SLC12A6: variants seen among roughly 807,000 people sequenced by gnomAD.
SLC12A6 encodes K-Cl cotransporter 3.
A neutral mutation model predicts 135.3 loss-of-function variants in SLC12A6; 66 were observed. That is an observed-to-expected ratio of 0.49 (90% CI 0.40 to 0.60). SLC12A6 has a LOEUF of 0.60. Among genes scored for constraint, SLC12A6 ranks in the 20% least tolerant of loss-of-function variants. SLC12A6 has a pLI of 0.00. For missense variants in SLC12A6, 1,058 were observed against 1,452.3 expected (o/e 0.73, Z 4.41); for synonymous variants, 513 against 508.8 (o/e 1.01, Z -0.11).
chr15:34,236,565 A>C (rs1891281845), intron 23 of SLC12A6, 143 bp downstream of exon 23: 1 of 685,430 alleles, frequency 1.5e-6, no homozygotes, highest in Non-Finnish European at 2.7e-6. Context: ...GCTGGTCTTG[A>C]ACTCCTGACC....
At chr15:34,274,072 TG>T (rs776459245) in intron 3 of SLC12A6, among the ~76,000 whole-genome samples, 12 of 152,194 alleles carry the variant, frequency 7.9e-5, no homozygotes, top group Non-Finnish European at 1.8e-4. Context: ...AGATATTCAT[TG>T]CAACACAACT....
intron 2 of SLC12A6, among the ~76,000 whole-genome samples, chr15:34,290,288 T>G (rs1464270476): frequency 6.6e-6 from 1 of 152,212 alleles, no homozygotes; most frequent in Non-Finnish European, 1.5e-5. Context: ...TTGCGTGGTT[T>G]TGAGTGAGTT....
At chr15:34,318,745 T>C (rs1595565208) in intron 2 of SLC12A6, 2 of 1,606,832 alleles carry the variant, frequency 1.2e-6, no homozygotes, top group East Asian at 4.5e-5. Context: ...TTTCCCTGCC[T>C]ACCTCTTCCT....
At chr15:34,261,348 G>A (rs914656109) in intron 3 of SLC12A6, among the ~76,000 whole-genome samples, 2 of 152,150 alleles carry the variant, frequency 1.3e-5, no homozygotes, top group African/African-American at 2.4e-5. Flanking sequence ...CCAGGCTGGA[G>A]TGCAGTGGCG....
intron 2 of SLC12A6, among the ~76,000 whole-genome samples, chr15:34,315,229 G>T (rs78050138): frequency 0.053 from 7,996 of 152,228 alleles, 462 homozygotes; most frequent in East Asian, 0.32. Context: ...ATGCTACAGA[G>T]AAATCTTTCA....
At chr15:34,319,797 T>TA (rs1378514092) in intron 2 of SLC12A6, among the ~76,000 whole-genome samples, 41 of 128,866 alleles carry the variant, frequency 3.2e-4, no homozygotes, top group Middle Eastern at 4.9e-3. Context: ...AGACTCTGTC[T>TA]AAAAAAAAAA....
At chr15:34,328,041 C>T (rs1302655778) in intron 2 of SLC12A6, among the ~76,000 whole-genome samples, 3 of 151,904 alleles carry the variant, frequency 2.0e-5, no homozygotes, top group Non-Finnish European at 1.5e-5. Flanking sequence ...CAAAAAGCTG[C>T]CATTGGTTAA....
intron 2 of SLC12A6, among the ~76,000 whole-genome samples, chr15:34,320,384 C>T (rs1030992638): frequency 3.9e-5 from 6 of 152,004 alleles, no homozygotes; most frequent in Admixed American, 6.6e-5. Context: ...GTGAAATAAG[C>T]CAAGCATAGA....
At chr15:34,252,433 A>G (rs767974406) in intron 9 of SLC12A6, 49 bp from the exon 10 acceptor site, 4 of 1,139,444 alleles carry the variant, frequency 3.5e-6, no homozygotes, top group East Asian at 4.7e-5. Flanking sequence ...AAAAAAGTAC[A>G]TTAAAAAAAA....
chr15:34,306,847 C>CA (rs1595541580), intron 2 of SLC12A6, among the ~76,000 whole-genome samples: 2 of 151,942 alleles, frequency 1.3e-5, no homozygotes, highest in East Asian at 3.9e-4. Flanking sequence ...TAATGGAAGT[C>CA]AAAATTAAAG....
intron 3 of SLC12A6, among the ~76,000 whole-genome samples, chr15:34,266,826 C>G (rs1253494445): frequency 6.6e-6 from 1 of 152,192 alleles, no homozygotes; most frequent in East Asian, 1.9e-4. Flanking sequence ...TTAAACAACA[C>G]AGTTTATCAT....
chr15:34,318,201 G>A (rs189258666), intron 2 of SLC12A6, among the ~76,000 whole-genome samples: 6 of 152,288 alleles, frequency 3.9e-5, no homozygotes, highest in Admixed American at 2.0e-4. Context: ...CATCCACTCG[G>A]TGGGTTTAAA....
At chr15:34,285,720 T>TACACACACACACACACACAC (rs1895025332) in intron 2 of SLC12A6, among the ~76,000 whole-genome samples, 1 of 1,380 alleles carries the variant, frequency 7.2e-4, no homozygotes, top group African/African-American at 3.5e-3. Context: ...GTGTTTGTCA[T>TACACACACACACACACACAC]ACATAAAATG....
Position 34,231,452 on chromosome 15 carries a change from G to A in SLC12A6, c.*2429C>T, listed in dbSNP as rs1231805988. ...GCAATGGAGTGTTGCAGTGGGAGTT[G>A]TAAATAATGCTTCTACCATCTGTAG... On this transcript the variant is annotated 3_prime_UTR_variant, in exon 26 of 26. Transcript: ENST00000354181. The A allele has an allele frequency of 2.0e-5, 3 of 151,902 alleles. No homozygotes were observed. The highest frequency in any genetic ancestry group is 7.3e-5 in the African/African-American group (3 of 41,342). 9.4% of individuals were successfully genotyped at this position (151,902 alleles called of 1,614,324 possible). A position where few individuals can be genotyped will look rare whatever the true frequency, so the allele number is the denominator to read the frequency against.
At chr15:34,323,377 CA>C (rs1246482045) in intron 2 of SLC12A6, among the ~76,000 whole-genome samples, 1 of 152,164 alleles carries the variant, frequency 6.6e-6, no homozygotes, top group Admixed American at 6.5e-5. Flanking sequence ...ACGGGGCCCG[CA>C]CAGCAGGAGG....
At chr15:34,283,064 C>T (rs1216264655) in intron 2 of SLC12A6, among the ~76,000 whole-genome samples, 3 of 152,272 alleles carry the variant, frequency 2.0e-5, no homozygotes, top group Admixed American at 2.0e-4. Context: ...AATTAATAGC[C>T]GGGCACTGTG....
Position 34,232,675 on chromosome 15 carries a change from T to C in SLC12A6, c.*1206A>G, listed in dbSNP as rs1399123026. 1 of 152,658 alleles carries C rather than the reference T, an allele frequency of 6.6e-6. No homozygotes were observed. The allele number at this position is 152,658 out of a possible 1,614,324, so 9.5% of individuals were successfully genotyped here. ...GCATTAAGTTGAATGCCTCAAGTCT[T>C]AACTATGGCTTTGTAGATGAGGCAA... On this transcript the variant is annotated 3_prime_UTR_variant, in exon 26 of 26. Transcript: ENST00000354181.
chr15:34,239,839 G>A (rs1891523345), intron 19 of SLC12A6, among the ~76,000 whole-genome samples: 1 of 151,970 alleles, frequency 6.6e-6, no homozygotes, highest in African/African-American at 2.4e-5. Flanking sequence ...AGGCTCTCCT[G>A]ATTTTCAATC....
In SLC12A6 at chr15:34,238,341, AAGG is replaced by A. The variant is rs1555377235; in HGVS notation, c.2690_2692del (p.Ser897del). ...AAATTGCTCCACATTGCTGGGAAAG[AAGG>A]AGATGTTTTTAGCCACCAGCAGTGC... On this transcript the variant is annotated inframe_deletion, in exon 21 of 26. Transcript: ENST00000354181. 2.5e-6 allele frequency: 4 copies of A among 1,613,836 alleles called. No homozygotes were observed. Among genetic ancestry groups the A allele is most frequent in the South Asian group, 1.1e-5 (1 of 91,066 alleles).
Sources: gnomAD v4.1 joint callset for allele counts (sites outside exome capture counted in the v4.1 genomes callset) on GRCh38, gnomAD v4.1.1 for gene constraint, MANE v1.5 for transcripts, NCBI Gene and HGNC (gene_info 2026-07-23, HGNC 2026-07-21) for gene names.